Variants in CCSER1 observed in about 807,000 individuals in gnomAD.
CCSER1 encodes serine-rich coiled-coil domain-containing protein 1.
In CCSER1, 41 loss-of-function variants were observed where a neutral mutation model predicts 82.0. The ratio of observed to expected loss-of-function variants is 0.50; its 90% CI spans 0.39 to 0.65. The LOEUF (loss-of-function observed/expected upper bound fraction) is 0.65, where lower values mean the gene tolerates loss of function less well. Among genes scored for constraint, CCSER1 ranks in the 30% least tolerant of loss-of-function variants. The pLI is 0.00. For missense variants in CCSER1, 1,119 were observed against 1,064.2 expected (o/e 1.05, Z -0.72); for synonymous variants, 414 against 383.9 (o/e 1.08, Z -0.92).
chr4:91,111,669 CTTCTT>C (rs1726104455), intron 10 of CCSER1, among the ~76,000 whole-genome samples: 1 of 151,614 alleles, frequency 6.6e-6, no homozygotes, highest in African/African-American at 2.4e-5. Context: ...ATGAATAACT[CTTCTT>C]TTCCATCCTG....
intron 1 of CCSER1, among the ~76,000 whole-genome samples, chr4:90,282,923 A>G (rs1729139020): frequency 6.6e-6 from 1 of 152,010 alleles, no homozygotes; most frequent in Admixed American, 6.6e-5. Flanking sequence ...GTAAAGGGAT[A>G]GGTGAGTACT....
chr4:91,538,161 T>C (rs1180708624), intron 10 of CCSER1, among the ~76,000 whole-genome samples: 1 of 152,050 alleles, frequency 6.6e-6, no homozygotes, highest in Non-Finnish European at 1.5e-5. Flanking sequence ...ATGAAAGAAA[T>C]TCTTTCCTTG....
intron 5 of CCSER1, among the ~76,000 whole-genome samples, chr4:90,505,371 C>A (rs926480864): frequency 4.6e-5 from 7 of 151,864 alleles, no homozygotes; most frequent in South Asian, 2.1e-4. Context: ...GACAGAGGAA[C>A]CAAAATCAAA....
At chr4:91,263,017 T>G (rs975648357) in intron 10 of CCSER1, among the ~76,000 whole-genome samples, 1 of 151,976 alleles carries the variant, frequency 6.6e-6, no homozygotes, top group African/African-American at 2.4e-5. Flanking sequence ...ATCTGTAAAA[T>G]AGGAGTAATA....
chr4:91,116,175 A>C (rs1371919202), intron 10 of CCSER1, among the ~76,000 whole-genome samples: 1 of 152,076 alleles, frequency 6.6e-6, no homozygotes, highest in African/African-American at 2.4e-5. Context: ...AACCAACCCA[A>C]ATGTTCAACA....
chr4:91,497,193 C>T (rs1173782497), intron 10 of CCSER1, among the ~76,000 whole-genome samples: 1 of 151,290 alleles, frequency 6.6e-6, no homozygotes, highest in Non-Finnish European at 1.5e-5. Context: ...TTAGGTTCCT[C>T]CTATAAATTA....
intron 8 of CCSER1, among the ~76,000 whole-genome samples, chr4:90,904,259 T>C (rs2150161597): frequency 6.6e-6 from 1 of 152,264 alleles, no homozygotes; most frequent in East Asian, 1.9e-4. Flanking sequence ...ATACCAACTG[T>C]AATTAACAAC....
chr4:90,395,594 C>T (rs993316016), intron 3 of CCSER1, among the ~76,000 whole-genome samples: 2 of 151,176 alleles, frequency 1.3e-5, no homozygotes, highest in Non-Finnish European at 2.9e-5. Context: ...GCTTCAAACC[C>T]ACCATACTGG....
chr4:90,207,769 G>C (rs967576506), intron 1 of CCSER1, among the ~76,000 whole-genome samples: 1 of 152,176 alleles, frequency 6.6e-6, no homozygotes, highest in Non-Finnish European at 1.5e-5. Context: ...CTGCAGGTCT[G>C]CTGGAGTTTG....
At chr4:91,179,108 T>G (rs1733725211) in intron 10 of CCSER1, among the ~76,000 whole-genome samples, 1 of 152,190 alleles carries the variant, frequency 6.6e-6, no homozygotes, top group South Asian at 2.1e-4. Context: ...TTCTTTTCTT[T>G]ATGAATGGTG....
Position 90,493,099 on chromosome 4 carries a change from G to A in CCSER1, c.1724+24745G>A, listed in dbSNP as rs565472180. On this transcript the variant is annotated intron_variant, in intron 5 of 10. Coordinates refer to ENST00000509176, the MANE Select transcript of CCSER1 (RefSeq NM_001145065.2). ...CTGATGGAGCTGAAAAACATGGCAC[G>A]AGAACTACGTGATGAATGCACAAGC... 2.6e-5 allele frequency among the ~76,000 whole-genome samples: 4 copies of A among 152,222 alleles called. No homozygotes were observed. The South Asian group carries it at 8.3e-4, about 32-fold the overall frequency.
rs1420042086 is a variant in CCSER1 at position 90,658,243 on chromosome 4, T to C, written c.1932+30011T>C. ...GTACACCTGATAATGTTTAATTAAATAATAGGAGTAATTTGAGGCTCTAAC... is the reference window on the plus strand; with the variant it reads ...GTACACCTGATAATGTTTAATTAAACAATAGGAGTAATTTGAGGCTCTAAC... On this transcript the variant is annotated intron_variant, in intron 6 of 10. Coordinates refer to ENST00000509176, the MANE Select transcript of CCSER1 (RefSeq NM_001145065.2). Among the ~76,000 whole-genome samples, 3 of 152,320 alleles carry C rather than the reference T, an allele frequency of 2.0e-5. No homozygotes were observed. The East Asian group carries it at 5.8e-4, about 29-fold the overall frequency.
At chr4:91,033,236 C>G (rs912280660) in intron 9 of CCSER1, among the ~76,000 whole-genome samples, 2 of 152,166 alleles carry the variant, frequency 1.3e-5, no homozygotes, top group East Asian at 3.9e-4. Context: ...AGAGTTGGGG[C>G]AGCTGGAAGC....
intron 8 of CCSER1, among the ~76,000 whole-genome samples, chr4:90,829,467 A>G (rs894385867): frequency 2.0e-5 from 3 of 152,180 alleles, no homozygotes; most frequent in Admixed American, 2.0e-4. Flanking sequence ...AAACATGTTC[A>G]TAACCTATAT....
chr4:91,266,259 G>GTT (rs149506283), intron 10 of CCSER1, among the ~76,000 whole-genome samples: 7 of 147,224 alleles, frequency 4.8e-5, no homozygotes, highest in East Asian at 4.0e-4. Context: ...GGTTTGTTTT[G>GTT]TTTTTTTTTT....
intron 1 of CCSER1, among the ~76,000 whole-genome samples, chr4:90,260,549 GT>G (rs1724130553): frequency 6.6e-6 from 1 of 152,052 alleles, no homozygotes. Flanking sequence ...CTTAAAGTCT[GT>G]TTTGTCTGAC....
intron 10 of CCSER1, among the ~76,000 whole-genome samples, chr4:91,241,832 T>C (rs1376661050): frequency 6.6e-6 from 1 of 152,170 alleles, no homozygotes; most frequent in African/African-American, 2.4e-5. Flanking sequence ...TAGCATGTGT[T>C]AGATATTGTG....
At chr4:90,243,571 A>C (rs1207568736) in intron 1 of CCSER1, among the ~76,000 whole-genome samples, 2 of 137,742 alleles carry the variant, frequency 1.5e-5, no homozygotes, top group African/African-American at 6.5e-5. Context: ...TATTTTGGGG[A>C]GGTGGGGGGT....
intron 10 of CCSER1, among the ~76,000 whole-genome samples, chr4:91,109,188 A>T (rs148482027): frequency 6.6e-6 from 1 of 152,094 alleles, no homozygotes; most frequent in African/African-American, 2.4e-5. Flanking sequence ...ACTGAGCCAT[A>T]CTATTGGCTT....
Sources: gnomAD v4.1 joint callset for allele counts (sites outside exome capture counted in the v4.1 genomes callset) on GRCh38, gnomAD v4.1.1 for gene constraint, MANE v1.5 for transcripts, NCBI Gene and HGNC (gene_info 2026-07-23, HGNC 2026-07-21) for gene names.